Variants in SETBP1 observed in about 807,000 individuals in gnomAD.
The protein encoded by SETBP1 is SET binding protein 1.
SETBP1 carries 9 observed loss-of-function variants against 101.0 expected under a neutral mutation model. That is an observed-to-expected ratio of 0.09 (90% CI 0.05 to 0.16). The LOEUF is 0.16. SETBP1 is among the 10% of genes least tolerant of loss of function. The pLI is 1.00. For synonymous variants in SETBP1, 818 were observed against 788.5 expected, an observed-to-expected ratio of 1.04 and a Z score of -0.63; for missense variants, 1,858 against 2,033.8, an observed-to-expected ratio of 0.91 and a Z score of 1.66.
intron 1 of SETBP1, among the ~76,000 whole-genome samples, chr18:44,700,787 T>TA (rs1452655185): frequency 6.6e-6 from 1 of 152,168 alleles, no homozygotes; most frequent in Non-Finnish European, 1.5e-5. Context: ...GCCAACCAAA[T>TA]ACAGTTCCAG....
intron 2 of SETBP1, among the ~76,000 whole-genome samples, chr18:44,748,881 T>G (rs1332459070): frequency 6.6e-6 from 1 of 152,124 alleles, no homozygotes; most frequent in African/African-American, 2.4e-5. Context: ...ACACACAAGT[T>G]GACTCGCAGA....
chr18:44,857,068 T>G (rs1289532646), intron 2 of SETBP1, among the ~76,000 whole-genome samples: 3 of 152,252 alleles, frequency 2.0e-5, no homozygotes, highest in Non-Finnish European at 2.9e-5. Flanking sequence ...ATCCTGAGAA[T>G]AGTTGCACAG....
At chr18:44,967,998 G>T (rs1459554125) in intron 4 of SETBP1, among the ~76,000 whole-genome samples, 9 of 152,052 alleles carry the variant, frequency 5.9e-5, no homozygotes, top group African/African-American at 2.2e-4. Context: ...CTACCTTGTG[G>T]ATAAGTTTGA....
intron 3 of SETBP1, among the ~76,000 whole-genome samples, chr18:44,938,968 G>C (rs976339245): frequency 1.3e-5 from 2 of 151,604 alleles, no homozygotes; most frequent in Middle Eastern, 3.4e-3. Context: ...ATGTGTGTGT[G>C]TGTGTGTGTG....
At chr18:44,896,701 G>A (rs1320185119) in intron 3 of SETBP1, among the ~76,000 whole-genome samples, 1 of 152,054 alleles carries the variant, frequency 6.6e-6, no homozygotes, top group Non-Finnish European at 1.5e-5. Flanking sequence ...CGTTGGTCAG[G>A]ATGATCTCGG....
At chr18:44,894,125 G>T (rs1038762482) in intron 3 of SETBP1, among the ~76,000 whole-genome samples, 3 of 152,088 alleles carry the variant, frequency 2.0e-5, no homozygotes, top group African/African-American at 7.2e-5. Flanking sequence ...AATTTCATTT[G>T]AGTTTCCATT....
rs16978194 is a variant in SETBP1 at position 44,838,784 on chromosome 18, T to C, written c.487-30446T>C. Among the ~76,000 whole-genome samples the C allele has an allele frequency of 9.1e-3, 1,380 of 152,152 alleles. 28 individuals carry two copies. The highest frequency in any genetic ancestry group is 0.031 in the African/African-American group (1,294 of 41,484). On this transcript the variant is annotated intron_variant, in intron 2 of 5. Transcript: ENST00000649279. ...CTTTTAATTACTTACGTTCTGAATC[T>C]CATTGCTCACTTTTTCGGAAAACAG...
intron 4 of SETBP1, among the ~76,000 whole-genome samples, chr18:44,984,850 A>T (rs980919879): frequency 3.9e-5 from 6 of 152,190 alleles, no homozygotes; most frequent in African/African-American, 1.4e-4. Flanking sequence ...TTCAAAGTTT[A>T]CATGCTTAGG....
chr18:44,805,091 G>C (rs1282455319), intron 2 of SETBP1, among the ~76,000 whole-genome samples: 1 of 151,944 alleles, frequency 6.6e-6, no homozygotes, highest in Non-Finnish European at 1.5e-5. Flanking sequence ...CAAGATCTCA[G>C]GCTGTTTGCA....
At chr18:44,771,285 T>C (rs1197961617) in intron 2 of SETBP1, among the ~76,000 whole-genome samples, 1 of 146,918 alleles carries the variant, frequency 6.8e-6, no homozygotes, top group Non-Finnish European at 1.5e-5. Context: ...TTAAGTGTCT[T>C]TGTGAGCCCT....
chr18:44,917,945 G>A (rs2070479622), intron 3 of SETBP1, among the ~76,000 whole-genome samples: 1 of 152,144 alleles, frequency 6.6e-6, no homozygotes, highest in Non-Finnish European at 1.5e-5. Flanking sequence ...GCGAGCTTGT[G>A]TCTCACCTAG....
intron 4 of SETBP1, among the ~76,000 whole-genome samples, chr18:45,016,007 C>G (rs1449293781): frequency 6.6e-6 from 1 of 152,158 alleles, no homozygotes; most frequent in African/African-American, 2.4e-5. Context: ...CAGCCTCCAC[C>G]CACAAGGAGG....
chr18:44,935,185 C>A (rs1297088137), intron 3 of SETBP1, among the ~76,000 whole-genome samples: 2 of 152,176 alleles, frequency 1.3e-5, no homozygotes, highest in Non-Finnish European at 2.9e-5. Flanking sequence ...GCACCAAATG[C>A]TTGCAGTTCA....
At chr18:45,016,218 G>C (rs1057502529) in intron 4 of SETBP1, among the ~76,000 whole-genome samples, 4 of 152,162 alleles carry the variant, frequency 2.6e-5, no homozygotes, top group African/African-American at 4.8e-5. Context: ...CACTATTTTA[G>C]GAAAACTCAT....
intron 4 of SETBP1, among the ~76,000 whole-genome samples, chr18:44,969,620 G>A (rs574279997): frequency 5.9e-5 from 9 of 152,120 alleles, no homozygotes; most frequent in African/African-American, 2.2e-4. Flanking sequence ...CACTTCCATG[G>A]CTAGGTTCTA....
chr18:44,773,272 T>C (rs899781793), intron 2 of SETBP1, among the ~76,000 whole-genome samples: 3 of 152,202 alleles, frequency 2.0e-5, no homozygotes, highest in African/African-American at 7.2e-5. Flanking sequence ...TCCTGATGTA[T>C]CATGTGCTGT....
At chr18:45,062,853 A>T (rs988185569) in intron 5 of SETBP1, among the ~76,000 whole-genome samples, 2 of 152,202 alleles carry the variant, frequency 1.3e-5, no homozygotes, top group African/African-American at 4.8e-5. Context: ...GAGGACTGAA[A>T]TCATGTCAAT....
At chr18:44,746,732 T>G (rs867571196) in intron 2 of SETBP1, among the ~76,000 whole-genome samples, 2 of 152,210 alleles carry the variant, frequency 1.3e-5, no homozygotes, top group African/African-American at 4.8e-5. Context: ...TCCTCACATA[T>G]TAAGGGAGTG....
chr18:45,040,329 G>C (rs1246263376), intron 5 of SETBP1, among the ~76,000 whole-genome samples: 1 of 152,158 alleles, frequency 6.6e-6, no homozygotes, highest in African/African-American at 2.4e-5. Flanking sequence ...TGGATTAGTA[G>C]CACCTTGGTG....
Sources: gnomAD v4.1 joint callset for allele counts (sites outside exome capture counted in the v4.1 genomes callset) on GRCh38, gnomAD v4.1.1 for gene constraint, MANE v1.5 for transcripts, NCBI Gene and HGNC (gene_info 2026-07-23, HGNC 2026-07-21) for gene names.